The following COL4A2 variants were observed in gnomAD, a reference collection of about 807,000 sequenced individuals.
COL4A2 encodes collagen type IV alpha 2 chain.
Under a neutral mutation model 200.2 loss-of-function variants are expected in COL4A2, and 99 were observed. The observed-to-expected ratio is 0.49, with a 90% CI of 0.42 to 0.58. COL4A2 has a LOEUF of 0.58. Among genes scored for constraint, COL4A2 ranks in the 20% least tolerant of loss-of-function variants. COL4A2 has a pLI of 0.00. For missense variants in COL4A2, 1,950 were observed against 2,314.1 expected (o/e 0.84, Z 3.23); for synonymous variants, 897 against 900.6 (o/e 1.00, Z 0.07).
intron 40 of COL4A2, among the ~76,000 whole-genome samples, chr13:110,500,546 T>G (rs1431820001): frequency 6.6e-6 from 1 of 152,190 alleles, no homozygotes; most frequent in Non-Finnish European, 1.5e-5. Context: ...ATTTCCCTCT[T>G]ACTCTCCTAC....
At chr13:110,441,175 A>G (rs547407070) in intron 16 of COL4A2, among the ~76,000 whole-genome samples, 6 of 152,088 alleles carry the variant, frequency 3.9e-5, no homozygotes, top group African/African-American at 1.2e-4. Context: ...CAGAATCACA[A>G]CTCCGTTGAA....
intron 4 of COL4A2, among the ~76,000 whole-genome samples, chr13:110,422,003 G>A (rs544522656): frequency 1.3e-4 from 20 of 152,318 alleles, no homozygotes; most frequent in Middle Eastern, 3.4e-3. Flanking sequence ...TTGACTGTAT[G>A]AAATAATCCC....
intron 24 of COL4A2, 194 bp downstream of exon 24, chr13:110,462,578 C>T: frequency 1.8e-6 from 1 of 568,858 alleles, no homozygotes; most frequent in Non-Finnish European, 3.1e-6. Context: ...AAGTTAGAAG[C>T]CAAGCTCCAA....
intron 4 of COL4A2, among the ~76,000 whole-genome samples, chr13:110,409,025 C>T (rs1305246064): frequency 8.6e-6 from 1 of 116,162 alleles, no homozygotes; most frequent in Non-Finnish European, 1.8e-5. Flanking sequence ...CACATGGACA[C>T]GCGCACACGT....
chr13:110,392,936 C>T (rs560730717), intron 4 of COL4A2, among the ~76,000 whole-genome samples: 1 of 152,322 alleles, frequency 6.6e-6, no homozygotes, highest in South Asian at 2.1e-4. Flanking sequence ...TGATTTTCAT[C>T]CTCACCATGT....
At chr13:110,308,043 T>G (rs765766348) in intron 2 of COL4A2, 26 bp from the exon 3 acceptor site, 1 of 1,613,266 alleles carries the variant, frequency 6.2e-7, no homozygotes, top group Non-Finnish European at 8.5e-7. Context: ...CACGTTCACG[T>G]CTCTCTTCCT....
At chr13:110,317,921 C>T (rs1885183489) in intron 3 of COL4A2, among the ~76,000 whole-genome samples, 1 of 152,216 alleles carries the variant, frequency 6.6e-6, no homozygotes, top group South Asian at 2.1e-4. Flanking sequence ...TACAGAGAGA[C>T]AGGGGATTCC....
At chr13:110,339,784 A>T (rs1481117045) in intron 3 of COL4A2, among the ~76,000 whole-genome samples, 2 of 152,178 alleles carry the variant, frequency 1.3e-5, no homozygotes, top group African/African-American at 2.4e-5. Context: ...AAGGAGTCAA[A>T]ATAGAGGTGC....
intron 37 of COL4A2, among the ~76,000 whole-genome samples, chr13:110,491,662 G>A (rs1247336106): frequency 6.6e-6 from 1 of 152,138 alleles, no homozygotes; most frequent in Non-Finnish European, 1.5e-5. Context: ...AAACCCCTAT[G>A]AACATCCTAG....
intron 11 of COL4A2, among the ~76,000 whole-genome samples, chr13:110,433,396 A>AC (rs1476617824): frequency 6.6e-6 from 1 of 152,174 alleles, no homozygotes; most frequent in Non-Finnish European, 1.5e-5. Flanking sequence ...CTCACCCCTG[A>AC]CCAAGTCACT....
At position 110,434,438 on chromosome 13, in the gene COL4A2, A is replaced by G; in HGVS notation, c.722A>G (p.Glu241Gly). 6.2e-7 allele frequency: 1 copy of G among 1,613,826 alleles called. No individual in the cohort carries two copies. Among genetic ancestry groups the G allele is most frequent in the South Asian group, 1.1e-5 (1 of 91,016 alleles). ...CTTGGTTTCTACGGAGTTAAGGGTG[A>G]AAAGGTAAAGGAAGCCTGGTCAATT... The part of the protein sequence containing the change: ...RGLGFYGVKG[E>G]KGDVGQPGPN... The change falls in exon 12 of 48, where the codon GAA becomes GGA. Residue 241 changes from glutamate (E) to glycine (G), a missense_variant. This residue lies in a region of COL4A2 where 565 missense variants were observed against 593.5 expected (regional missense o/e 0.95). Coordinates refer to ENST00000360467, the MANE Select transcript of COL4A2 (RefSeq NM_001846.4).
chr13:110,403,737 A>T (rs76088415), intron 4 of COL4A2, among the ~76,000 whole-genome samples: 4 of 152,060 alleles, frequency 2.6e-5, no homozygotes, highest in Non-Finnish European at 2.9e-5. Context: ...TTCTAAAGCT[A>T]ATTTTACATT....
At chr13:110,374,062 G>A (rs547756224) in intron 4 of COL4A2, among the ~76,000 whole-genome samples, 8 of 152,224 alleles carry the variant, frequency 5.3e-5, no homozygotes, top group South Asian at 2.1e-4. Flanking sequence ...ATCGTGTCAC[G>A]TCCAATTTTA....
chr13:110,421,506 T>C (rs1376963791), intron 4 of COL4A2, among the ~76,000 whole-genome samples: 4 of 152,190 alleles, frequency 2.6e-5, no homozygotes, highest in Non-Finnish European at 4.4e-5. Context: ...CTGATTCTAT[T>C]TATTGGTAAA....
intron 22 of COL4A2, 176 bp from the exon 23 acceptor site, chr13:110,461,938 C>T: frequency 1.1e-6 from 1 of 891,928 alleles, no homozygotes; most frequent in Non-Finnish European, 1.7e-6. Context: ...TGGCCCCACA[C>T]TGGACAGCTG....
At chr13:110,511,631 C>T (rs112806164) in intron 47 of COL4A2, among the ~76,000 whole-genome samples, 6 of 152,254 alleles carry the variant, frequency 3.9e-5, no homozygotes, top group Non-Finnish European at 7.4e-5. Context: ...TTATATCTAC[C>T]GCTCGTATCT....
At chr13:110,486,901 G>T (rs937419877) in intron 34 of COL4A2, among the ~76,000 whole-genome samples, 50 of 152,288 alleles carry the variant, frequency 3.3e-4, no homozygotes, top group African/African-American at 1.2e-3. Context: ...TTCTTTTGTG[G>T]TGGAATGTCA....
rs1566490332 is a variant in COL4A2 at position 110,355,781 on chromosome 13, TG to T, written c.100-1689del. Among the ~76,000 whole-genome samples the T allele has an allele frequency of 1.3e-4, 2 of 15,764 alleles. 1 individual carries two copies. The highest frequency in any genetic ancestry group is 2.0e-4 in the Non-Finnish European group (2 of 10,146). 10.3% of individuals were successfully genotyped at this position (15,764 alleles called of 152,430 possible). The stretch of plus-strand genomic sequence containing the variant: ...GCACTAGCTCACCTGTGTGTGGGGG[TG>T]GAGGGCTGTACAGCTCACCTGTGTG... On this transcript the variant is annotated intron_variant, in intron 3 of 47. Coordinates refer to ENST00000360467, the MANE Select transcript of COL4A2 (RefSeq NM_001846.4).
At chr13:110,350,105 A>G (rs2139380076) in intron 3 of COL4A2, among the ~76,000 whole-genome samples, 1 of 152,352 alleles carries the variant, frequency 6.6e-6, no homozygotes, top group Admixed American at 6.5e-5. Context: ...CAAGATTTAA[A>G]TAAGACTCCA....
Sources: gnomAD v4.1 joint callset for allele counts (sites outside exome capture counted in the v4.1 genomes callset) on GRCh38, gnomAD v4.1.1 for gene constraint, gnomAD v4.1.1 regional missense constraint, MANE v1.5 for transcripts, NCBI Gene and HGNC (gene_info 2026-07-23, HGNC 2026-07-21) for gene names.